Variants in CYP7B1 observed in about 807,000 individuals in gnomAD.
CYP7B1 encodes cytochrome P450 family 7 subfamily B member 1.
A neutral mutation model predicts 42.7 loss-of-function variants in CYP7B1; 29 were observed. The observed-to-expected ratio is 0.68, with a 90% CI of 0.51 to 0.93. CYP7B1 has a LOEUF of 0.93. Among genes scored for constraint, CYP7B1 ranks in the 40% least tolerant of loss-of-function variants. The pLI is 0.00. For synonymous variants in CYP7B1, 235 were observed against 218.2 expected (o/e 1.08, Z -0.68); for missense variants, 655 against 600.5 (o/e 1.09, Z -0.95).
At chr8:64,620,460 C>T (rs1373976755) in intron 2 of CYP7B1, among the ~76,000 whole-genome samples, 2 of 152,142 alleles carry the variant, frequency 1.3e-5, no homozygotes, top group African/African-American at 4.8e-5. Flanking sequence ...TGCACCACCA[C>T]ACAAAACCAA....
chr8:64,743,693 C>G (rs78915220), intron 1 of CYP7B1, among the ~76,000 whole-genome samples: 2,222 of 152,140 alleles, frequency 0.015, 61 homozygotes, highest in African/African-American at 0.049. Flanking sequence ...ATGAGTATGA[C>G]CTCATTTAAC....
intron 1 of CYP7B1, among the ~76,000 whole-genome samples, chr8:64,735,419 G>A (rs911410859): frequency 1.3e-5 from 2 of 152,114 alleles, no homozygotes. Flanking sequence ...AGAGAAGGAT[G>A]ACTAATCACA....
chr8:64,772,302 C>A (rs1804248711), intron 1 of CYP7B1, among the ~76,000 whole-genome samples: 1 of 152,180 alleles, frequency 6.6e-6, no homozygotes, highest in South Asian at 2.1e-4. Context: ...AAACATTAGT[C>A]TGGATATTTC....
chr8:64,644,208 G>T (rs1386870590), intron 1 of CYP7B1, among the ~76,000 whole-genome samples: 1 of 151,462 alleles, frequency 6.6e-6, no homozygotes, highest in Non-Finnish European at 1.5e-5. Flanking sequence ...GGAGGCTGAG[G>T]TTGAAGTGAG....
Position 64,624,488 on chromosome 8 carries a change from C to CA in CYP7B1, c.173dup (p.Val59GlyfsTer21), listed in dbSNP as rs1563367625. On this transcript the variant is annotated frameshift_variant, in exon 2 of 6. Transcript: ENST00000310193. LOFTEE classifies it high-confidence loss of function. ...AGGGGTCTTTTCGTAAGTTCAGGAC[C>CA]ACTCCAAGATAAGGAAGCCAACCTT... The CA allele has an allele frequency of 6.2e-7, 1 of 1,613,008 alleles. No individual in the cohort carries two copies. Among genetic ancestry groups the CA allele is most frequent in the East Asian group, 2.2e-5 (1 of 44,806 alleles).
At chr8:64,641,793 C>A (rs1017346887) in intron 1 of CYP7B1, among the ~76,000 whole-genome samples, 1 of 152,104 alleles carries the variant, frequency 6.6e-6, no homozygotes, top group South Asian at 2.1e-4. Flanking sequence ...CCAACAGAAG[C>A]TGTATGAGCC....
chr8:64,605,947 C>T (rs1466621282), intron 4 of CYP7B1, among the ~76,000 whole-genome samples: 3 of 152,124 alleles, frequency 2.0e-5, no homozygotes, highest in Non-Finnish European at 2.9e-5. Context: ...CAGGCCCATC[C>T]GTGAGGGCTT....
At chr8:64,589,658 T>A (rs145504417), downstream of CYP7B1, 16 of 152,336 alleles carry the variant, frequency 1.1e-4, no homozygotes, top group African/African-American at 3.8e-4. Context: ...TTTTGGTAAC[T>A]ACGATGGCTA....
At chr8:64,629,811 A>G (rs1183707076) in intron 1 of CYP7B1, among the ~76,000 whole-genome samples, 1 of 152,222 alleles carries the variant, frequency 6.6e-6, no homozygotes, top group Non-Finnish European at 1.5e-5. Flanking sequence ...ACTCTTGATA[A>G]TCAAGAATTG....
At chr8:64,612,237 A>G (rs1805373931) in intron 4 of CYP7B1, among the ~76,000 whole-genome samples, 1 of 151,992 alleles carries the variant, frequency 6.6e-6, no homozygotes, top group Admixed American at 6.6e-5. Flanking sequence ...TTTCTCTCAG[A>G]GTTTCTCAAA....
Position 64,725,309 on chromosome 8 carries a change from C to T in CYP7B1, c.122+73157G>A, listed in dbSNP as rs138366885. The stretch of plus-strand genomic sequence containing the variant: ...TTTGTTATCAAAGTATCAGCCATGA[C>T]CCTTATTGTGAGAAAGAAAGGTGTC... On this transcript the variant is annotated intron_variant, in intron 1 of 5. Coordinates refer to ENST00000310193, the MANE Select transcript of CYP7B1 (RefSeq NM_004820.5). 3.3e-3 allele frequency among the ~76,000 whole-genome samples: 501 copies of T among 152,330 alleles called. 2 individuals carry two copies. The highest frequency in any genetic ancestry group is 0.017 in the Middle Eastern group (5 of 294).
intron 1 of CYP7B1, among the ~76,000 whole-genome samples, chr8:64,642,281 C>T (rs1178481501): frequency 6.6e-6 from 1 of 151,098 alleles, no homozygotes; most frequent in Non-Finnish European, 1.5e-5. Context: ...TTTTTGGAAC[C>T]CACTAAATTG....
chr8:64,685,245 C>A (rs1806605683), intron 1 of CYP7B1, among the ~76,000 whole-genome samples: 1 of 149,802 alleles, frequency 6.7e-6, no homozygotes, highest in East Asian at 2.0e-4. Flanking sequence ...CCTGCCTTGG[C>A]CTCCCAAAGT....
At chr8:64,668,025 A>G (rs12681856) in intron 1 of CYP7B1, among the ~76,000 whole-genome samples, 75,439 of 152,052 alleles carry the variant, frequency 0.5, 20,138 homozygotes, top group Non-Finnish European at 0.58. Context: ...AAGAATTCTT[A>G]CAGCGTAGGA....
chr8:64,762,692 C>T (rs1807907064), intron 1 of CYP7B1, among the ~76,000 whole-genome samples: 1 of 152,124 alleles, frequency 6.6e-6, no homozygotes, highest in Non-Finnish European at 1.5e-5. Context: ...TTTTTCATGG[C>T]CATTATTCAC....
At chr8:64,715,547 T>C (rs116210612) in intron 1 of CYP7B1, among the ~76,000 whole-genome samples, 1 of 152,132 alleles carries the variant, frequency 6.6e-6, no homozygotes, top group African/African-American at 2.4e-5. Context: ...GGAAAGAACA[T>C]CCCATTTTGC....
At position 64,798,616 on chromosome 8, in the gene CYP7B1, C is replaced by G. The variant is rs1286692998; in HGVS notation, c.-29G>C. ...GCGCGCGCTAGGCCGCGGTGGGCAG[C>G]CCGGGGTCTGCCTGCGAACAGCGCG... On this transcript the variant is annotated 5_prime_UTR_variant, in exon 1 of 6. Coordinates refer to ENST00000310193, the MANE Select transcript of CYP7B1 (RefSeq NM_004820.5). 1.2e-5 allele frequency: 17 copies of G among 1,450,072 alleles called. No homozygotes were observed. In the East Asian group the frequency reaches 4.7e-4, roughly 40 times the overall value. 89.8% of individuals were successfully genotyped at this position (1,450,072 alleles called of 1,614,324 possible). A position where few individuals can be genotyped will look rare whatever the true frequency, so the allele number is the denominator to read the frequency against.
At position 64,637,053 on chromosome 8, in the gene CYP7B1, T is replaced by C. The variant is rs545733538; in HGVS notation, c.123-12514A>G. The stretch of plus-strand genomic sequence containing the variant: ...CACAGTTTTGTGGAAACTAAATTAT[T>C]ACAGAGGACTAGCCCAGAAAGCCTT... On this transcript the variant is annotated intron_variant, in intron 1 of 5. Coordinates refer to ENST00000310193, the MANE Select transcript of CYP7B1 (RefSeq NM_004820.5). 7.2e-5 allele frequency among the ~76,000 whole-genome samples: 11 copies of C among 152,298 alleles called. No homozygotes were observed. In the South Asian group the frequency reaches 2.3e-3, roughly 32 times the overall value.
chr8:64,683,882 G>A (rs1428942894), intron 1 of CYP7B1, among the ~76,000 whole-genome samples: 2 of 152,064 alleles, frequency 1.3e-5, no homozygotes, highest in East Asian at 3.9e-4. Context: ...CTTGGGCCCG[G>A]AATGTTGTTC....
Sources: gnomAD v4.1 joint callset for allele counts (sites outside exome capture counted in the v4.1 genomes callset) on GRCh38, gnomAD v4.1.1 for gene constraint, MANE v1.5 for transcripts, NCBI Gene and HGNC (gene_info 2026-07-23, HGNC 2026-07-21) for gene names.